Variants in SULF1 observed in about 807,000 individuals in gnomAD.
SULF1 encodes extracellular sulfatase Sulf-1.
SULF1 carries 46 observed loss-of-function variants against 110.5 expected under a neutral mutation model. The ratio of observed to expected loss-of-function variants is 0.42; its 90% confidence interval spans 0.33 to 0.53. The LOEUF is 0.53. Among genes scored for constraint, SULF1 ranks in the 20% least tolerant of loss-of-function variants. SULF1 has a pLI of 0.12. For synonymous variants in SULF1, 371 were observed against 387.1 expected (o/e 0.96, Z 0.49); for missense variants, 941 against 1,094.2 (o/e 0.86, Z 1.98).
intron 6 of SULF1, among the ~76,000 whole-genome samples, chr8:69,580,204 G>A (rs375722223): frequency 6.6e-6 from 1 of 152,052 alleles, no homozygotes; most frequent in East Asian, 1.9e-4. Flanking sequence ...GTTCAAGAAG[G>A]GGAAAATGCA....
Position 69,658,710 on chromosome 8 carries a change from TAAAAC to T in SULF1, c.*179_*183del, listed in dbSNP as rs896650279. 21 of 698,826 alleles carry T rather than the reference TAAAAC, an allele frequency of 3.0e-5. No individual in the cohort carries two copies. The highest frequency in any genetic ancestry group is 1.6e-4 in the East Asian group (6 of 36,542). 43.3% of individuals were successfully genotyped at this position (698,826 alleles called of 1,614,324 possible). ...TGCTGAAGAGTCACTATGAGCAAAA[TAAAAC>T]AAATAAGACTCAAACTGCTCAAAGT... On this transcript the variant is annotated 3_prime_UTR_variant, in exon 23 of 23. Coordinates refer to ENST00000402687, the MANE Select transcript of SULF1 (RefSeq NM_001128205.2).
chr8:69,537,151 T>C (rs1249715541), intron 3 of SULF1, among the ~76,000 whole-genome samples: 1 of 152,170 alleles, frequency 6.6e-6, no homozygotes, highest in Non-Finnish European at 1.5e-5. Flanking sequence ...CTCTGTGCCC[T>C]GGGGAGAGAG....
chr8:69,601,591 A>G, intron 9 of SULF1, 63 bp from the exon 10 acceptor site: 3 of 1,381,736 alleles, frequency 2.2e-6, no homozygotes, highest in Non-Finnish European at 2.9e-6. Flanking sequence ...TCGTGGCAAC[A>G]CTATTGAGCA....
At chr8:69,552,745 G>A (rs1397986125) in intron 3 of SULF1, among the ~76,000 whole-genome samples, 1 of 152,190 alleles carries the variant, frequency 6.6e-6, no homozygotes, top group Non-Finnish European at 1.5e-5. Context: ...CACCACATAG[G>A]TATGTTCTGT....
In SULF1 at chr8:69,621,106, C is replaced by T. The variant is rs367667000; in HGVS notation, c.1449C>T (p.Leu483=). The part of the protein sequence containing the change: ...IHKCKGPSDL[L]TVRQSTRNLY... ...AGTGTAAAGGACCCAGTGACCTGCT[C>T]ACAGTCCGGCAGAGCACGCGGAACC... The change falls in exon 14 of 23, where the codon CTC becomes CTT. Residue 483 remains leucine (L), a synonymous_variant. Coordinates refer to ENST00000402687, the MANE Select transcript of SULF1 (RefSeq NM_001128205.2). 5.0e-5 allele frequency: 81 copies of T among 1,613,966 alleles called. No homozygotes were observed. Among genetic ancestry groups the T allele is most frequent in the Admixed American group, 8.3e-5 (5 of 60,002 alleles).
chr8:69,576,172 T>A lies in SULF1; in HGVS notation c.375T>A (p.Thr125=), dbSNP rs1254356194. 1 of 1,614,186 alleles carries A rather than the reference T, an allele frequency of 6.2e-7. No individual in the cohort carries two copies. Among genetic ancestry groups the A allele is most frequent in the East Asian group, 2.2e-5 (1 of 44,884 alleles). The change falls in exon 6 of 23, where the codon ACT becomes ACA. Residue 125 remains threonine (T), a synonymous_variant. Transcript: ENST00000402687. ...GGCAGGCCATGCATGAGCCTCGGACTTTTGCTGTATATCTTAACAACACTG... is the reference window on the plus strand; with the variant it reads ...GGCAGGCCATGCATGAGCCTCGGACATTTGCTGTATATCTTAACAACACTG... ...PSWQAMHEPR[T]FAVYLNNTGY... is the part of the protein sequence containing the mutation.
At chr8:69,560,203 C>G (rs529205119) in intron 3 of SULF1, among the ~76,000 whole-genome samples, 1 of 152,212 alleles carries the variant, frequency 6.6e-6, no homozygotes, top group East Asian at 1.9e-4. Flanking sequence ...AGCTGCCCAG[C>G]CAAAGTGGGG....
chr8:69,605,500 T>C (rs1473563173), intron 13 of SULF1, among the ~76,000 whole-genome samples: 1 of 152,208 alleles, frequency 6.6e-6, no homozygotes, highest in Non-Finnish European at 1.5e-5. Flanking sequence ...TCTTCGTTAG[T>C]AGAAATATTA....
chr8:69,637,070 A>G (rs1258442627), intron 19 of SULF1, among the ~76,000 whole-genome samples: 1 of 152,218 alleles, frequency 6.6e-6, no homozygotes, highest in African/African-American at 2.4e-5. Flanking sequence ...AGAGAAGACA[A>G]CACTTCAAAA....
rs1164049982 is a variant in SULF1 at position 69,659,274 on chromosome 8, G to A, written c.*739G>A. On this transcript the variant is annotated 3_prime_UTR_variant, in exon 23 of 23. Coordinates refer to ENST00000402687, the MANE Select transcript of SULF1 (RefSeq NM_001128205.2). Reference sequence around the variant, plus strand: ...TGGAGAAGAATCACGAAAAGGAGAAGTCACAGCACCTAGAAGGCAGCGCCT... The same window carrying A: ...TGGAGAAGAATCACGAAAAGGAGAAATCACAGCACCTAGAAGGCAGCGCCT... 8.9e-6 allele frequency: 4 copies of A among 447,828 alleles called. No individual in the cohort carries two copies. The East Asian group carries it at 2.8e-4, about 31-fold the overall frequency. The allele number at this position is 447,828 out of a possible 1,614,324, so 27.7% of individuals were successfully genotyped here.
chr8:69,486,300 A>G (rs990723459), intron 1 of SULF1, among the ~76,000 whole-genome samples: 1 of 143,124 alleles, frequency 7.0e-6, no homozygotes, highest in Non-Finnish European at 1.5e-5. Flanking sequence ...TCTAGTTCTA[A>G]GTAAAGAAAC....
chr8:69,573,912 C>T (rs1805418776), intron 5 of SULF1, among the ~76,000 whole-genome samples: 1 of 152,218 alleles, frequency 6.6e-6, no homozygotes, highest in African/African-American at 2.4e-5. Context: ...TAGCCAACTC[C>T]CAGCCTTCTC....
chr8:69,573,018 G>T (rs1180636990), intron 5 of SULF1, among the ~76,000 whole-genome samples: 1 of 152,168 alleles, frequency 6.6e-6, no homozygotes, highest in African/African-American at 2.4e-5. Flanking sequence ...GTAGGGACAG[G>T]GTTTTACCAT....
At chr8:69,655,560 T>G (rs1812662167) in intron 22 of SULF1, among the ~76,000 whole-genome samples, 1 of 152,296 alleles carries the variant, frequency 6.6e-6, no homozygotes, top group East Asian at 1.9e-4. Flanking sequence ...AATCCCTGTT[T>G]TGTGTTTTTT....
At chr8:69,537,872 G>A (rs1379183238) in intron 3 of SULF1, among the ~76,000 whole-genome samples, 2 of 148,482 alleles carry the variant, frequency 1.3e-5, no homozygotes, top group Non-Finnish European at 3.0e-5. Context: ...GTCTGGAACT[G>A]AAACAGAAGA....
At chr8:69,475,442 C>T (rs1166443651) in intron 1 of SULF1, among the ~76,000 whole-genome samples, 1 of 151,816 alleles carries the variant, frequency 6.6e-6, no homozygotes, top group Non-Finnish European at 1.5e-5. Context: ...CTATTCCCAT[C>T]GACGCAGTGG....
At position 69,645,020 on chromosome 8, in the gene SULF1, G is replaced by A. The variant is rs1811781645; in HGVS notation, c.2585+4179G>A. ...AGGGGCAGGGTTTGGGGTTAAATGGGCTGGAGGTGAGATTGGCCCCCCTAA... is the reference window on the plus strand; with the variant it reads ...AGGGGCAGGGTTTGGGGTTAAATGGACTGGAGGTGAGATTGGCCCCCCTAA... On this transcript the variant is annotated intron_variant, in intron 22 of 22. Coordinates refer to ENST00000402687, the MANE Select transcript of SULF1 (RefSeq NM_001128205.2). Among the ~76,000 whole-genome samples, 3 of 151,690 alleles carry A rather than the reference G, an allele frequency of 2.0e-5. No homozygotes were observed. In the South Asian group the frequency reaches 6.2e-4, roughly 31 times the overall value.
Position 69,658,664 on chromosome 8 carries a change from AT to A in SULF1, c.*132del. The A allele has an allele frequency of 2.5e-6, 2 of 788,860 alleles. No homozygotes were observed. Among genetic ancestry groups the A allele is most frequent in the Non-Finnish European group, 2.2e-6 (1 of 446,338 alleles). The allele number at this position is 788,860 out of a possible 1,614,324, so 48.9% of individuals were successfully genotyped here. On this transcript the variant is annotated 3_prime_UTR_variant, in exon 23 of 23. Transcript: ENST00000402687. ...GTGGACTGGACTAATTACTTGAAGG[AT>A]TTAGATAGAGTATTTGCACTGCTGA...
chr8:69,579,010 A>C (rs1805854820), intron 6 of SULF1, among the ~76,000 whole-genome samples: 2 of 151,774 alleles, frequency 1.3e-5, no homozygotes, highest in Non-Finnish European at 2.9e-5. Context: ...AAATAGAAAA[A>C]ATTAGCCAGG....
Sources: allele counts gnomAD v4.1 joint callset (sites outside exome capture counted in the v4.1 genomes callset), GRCh38; gene constraint gnomAD v4.1.1; transcripts MANE v1.5; gene names NCBI Gene and HGNC (gene_info 2026-07-23, HGNC 2026-07-21).